Variants in FAM193B observed in about 807,000 individuals in gnomAD.
FAM193B encodes protein FAM193B.
A neutral mutation model predicts 70.7 loss-of-function variants in FAM193B; 27 were observed. The observed-to-expected ratio is 0.38, with a 90% CI of 0.28 to 0.53. FAM193B has a LOEUF of 0.53. Ranked by LOEUF, FAM193B falls within the 20% of genes least tolerant of loss-of-function variation. The probability of loss-of-function intolerance (pLI) is 0.81; values close to 1 mark genes in which losing one functional copy is unlikely to be tolerated. For synonymous variants in FAM193B, 448 were observed against 436.0 expected (o/e 1.03, Z -0.34); for missense variants, 1,022 against 1,072.5 (o/e 0.95, Z 0.66).
At chr5:177,547,513 T>C (rs1437502086) in intron 1 of FAM193B, among the ~76,000 whole-genome samples, 2 of 151,512 alleles carry the variant, frequency 1.3e-5, no homozygotes, top group Non-Finnish European at 2.9e-5. Context: ...CTCGATCTCC[T>C]GACCTCGTGA....
Position 177,532,361 on chromosome 5 carries a change from G to T in FAM193B, c.1275+82C>A, listed in dbSNP as rs1472685624. 3.9e-6 allele frequency: 6 copies of T among 1,521,244 alleles called. No individual in the cohort carries two copies. The highest frequency in any genetic ancestry group is 5.3e-6 in the Non-Finnish European group (6 of 1,137,124). 94.2% of individuals were successfully genotyped at this position (1,521,244 alleles called of 1,614,324 possible). ...ACGGTAATTACCACCGTGAGCAACG[G>T]GGTCTCTGGGGAGAGCAGGGTGCTC... is the stretch of plus-strand genomic sequence containing the variant. On this transcript the variant is annotated intron_variant, in intron 5 of 8. Coordinates refer to ENST00000514747, the MANE Select transcript of FAM193B (RefSeq NM_001190946.3). The surrounding 1 kb of genome is among the most constrained non-coding windows in gnomAD (Gnocchi z 4.9).
intron 5 of FAM193B, chr5:177,525,418 G>A (rs1762430387): frequency 4.8e-6 from 2 of 414,966 alleles, no homozygotes; most frequent in Non-Finnish European, 4.2e-6. Flanking sequence ...ACCCACAGAG[G>A]GTAGGGTTTT....
At chr5:177,531,924 A>G (rs543753950) in intron 5 of FAM193B, 1 of 1,244,074 alleles carries the variant, frequency 8.0e-7, no homozygotes, top group East Asian at 5.7e-5. Context: ...CAGCTGCTCT[A>G]CCCTAACCAG....
chr5:177,531,246 GGA>G (rs758559206), intron 5 of FAM193B: 2 of 1,237,892 alleles, frequency 1.6e-6, no homozygotes, highest in Non-Finnish European at 2.1e-6. Flanking sequence ...TCCTCAGGGA[GGA>G]GAGACGGCAG....
At position 177,539,126 on chromosome 5, in the gene FAM193B, G is replaced by C; in HGVS notation, c.232C>G (p.Pro78Ala). The change falls in exon 2 of 9, where the codon CCT becomes GCT. Residue 78 changes from proline (P) to alanine (A), a missense_variant. Coordinates refer to ENST00000514747, the MANE Select transcript of FAM193B (RefSeq NM_001190946.3). ...CACAGCAGGCAGCAAGTCTGCACAG[G>C]CTGGCTGGAGGCGGGGGGGACCTGT... Reference protein sequence around the residue: ...GPQVPPASSQPVQTCCLLCHR... With the variant: ...GPQVPPASSQAVQTCCLLCHR... 1 of 1,586,470 alleles carries C rather than the reference G, an allele frequency of 6.3e-7. No individual in the cohort carries two copies. Among genetic ancestry groups the C allele is most frequent in the Non-Finnish European group, 8.6e-7 (1 of 1,165,834 alleles).
At chr5:177,543,251 A>G (rs946208924) in intron 1 of FAM193B, among the ~76,000 whole-genome samples, 2 of 152,234 alleles carry the variant, frequency 1.3e-5, no homozygotes, top group African/African-American at 4.8e-5. Context: ...CAGGGCCTGA[A>G]AAGCTAATTA....
At chr5:177,549,190 T>G (rs1765862107) in intron 1 of FAM193B, among the ~76,000 whole-genome samples, 1 of 8,566 alleles carries the variant, frequency 1.2e-4, no homozygotes, top group Non-Finnish European at 8.2e-4. Flanking sequence ...GTCTTTTCTT[T>G]TTTTTTTTTT....
intron 1 of FAM193B, among the ~76,000 whole-genome samples, chr5:177,540,736 T>C (rs565105999): frequency 5.9e-5 from 9 of 152,262 alleles, no homozygotes; most frequent in African/African-American, 2.2e-4. Flanking sequence ...GAAAGTGGTA[T>C]TGTTTTAAAC....
At chr5:177,537,809 G>A in intron 3 of FAM193B, 64 bp downstream of exon 3, 1 of 1,521,626 alleles carries the variant, frequency 6.6e-7, no homozygotes. Context: ...TGAACAAAGT[G>A]GATAGGAAAA....
intron 1 of FAM193B, 34 bp from the exon 2 acceptor site, chr5:177,539,181 G>A: frequency 6.6e-7 from 1 of 1,512,914 alleles, no homozygotes; most frequent in South Asian, 1.2e-5. Context: ...TTTCCCAGGA[G>A]GGGAAAGGCT....
intron 7 of FAM193B, chr5:177,523,167 T>C: frequency 2.9e-6 from 1 of 342,098 alleles, no homozygotes; most frequent in South Asian, 2.0e-5. Flanking sequence ...ACCTGCCTTA[T>C]TTTTCTATTT....
rs779498584 is a variant in FAM193B at position 177,553,678 on chromosome 5, C to A, written c.210+571G>T. The A allele has an allele frequency of 1.9e-5, 25 of 1,286,970 alleles. No homozygotes were observed. The South Asian group carries it at 2.8e-4, about 15-fold the overall frequency. 79.7% of individuals were successfully genotyped at this position (1,286,970 alleles called of 1,614,324 possible). On this transcript the variant is annotated intron_variant, in intron 1 of 8. Transcript: ENST00000514747. ...AAGGGCAGGTTCTGCTGGGTTTCCA[C>A]CTCAGTGCAGAAACCCCACCAAAAA...
chr5:177,541,302 A>G (rs1764822210), intron 1 of FAM193B, among the ~76,000 whole-genome samples: 1 of 152,228 alleles, frequency 6.6e-6, no homozygotes. Flanking sequence ...CATGATGATG[A>G]CCACAAGGCG....
chr5:177,529,339 C>T (rs887602366), intron 5 of FAM193B, among the ~76,000 whole-genome samples: 1 of 151,872 alleles, frequency 6.6e-6, no homozygotes. Context: ...GAAGGAGCAG[C>T]TGGGCTTTGG....
intron 4 of FAM193B, among the ~76,000 whole-genome samples, chr5:177,533,085 G>A (rs1202299163): frequency 6.6e-6 from 1 of 152,164 alleles, no homozygotes; most frequent in Admixed American, 6.5e-5. Context: ...CAATAAATAG[G>A]CCTGAACCCA....
At chr5:177,531,500 G>A (rs747227731) in intron 5 of FAM193B, 3 of 1,208,348 alleles carry the variant, frequency 2.5e-6, no homozygotes, top group South Asian at 1.2e-5. Context: ...GTATAGTTCC[G>A]ACTCGTCGGG....
At chr5:177,531,275 C>T in intron 5 of FAM193B, 2 of 1,300,120 alleles carry the variant, frequency 1.5e-6, no homozygotes, top group Non-Finnish European at 2.0e-6. Flanking sequence ...GCTCTCCCTA[C>T]ACCCACCTTC....
intron 5 of FAM193B, among the ~76,000 whole-genome samples, chr5:177,526,821 C>CAAT (rs1410003044): frequency 3.3e-5 from 5 of 152,218 alleles, no homozygotes; most frequent in Non-Finnish European, 5.9e-5. Flanking sequence ...CTATGTTTCT[C>CAAT]AATTCCATCT....
At chr5:177,521,758 A>G (rs549989289) in intron 8 of FAM193B, among the ~76,000 whole-genome samples, 3 of 152,342 alleles carry the variant, frequency 2.0e-5, no homozygotes, top group African/African-American at 7.2e-5. Flanking sequence ...GTAATAGAAC[A>G]GAGGCCTACA....
Sources: gnomAD v4.1 joint callset for allele counts (sites outside exome capture counted in the v4.1 genomes callset) on GRCh38, gnomAD v4.1.1 for gene constraint, Gnocchi (gnomAD v3.1) non-coding constraint, MANE v1.5 for transcripts, NCBI Gene and HGNC (gene_info 2026-07-23, HGNC 2026-07-21) for gene names.